Variants in SLC9B1 observed in about 807,000 individuals in gnomAD.
SLC9B1 encodes sodium/hydrogen exchanger 9B1.
SLC9B1 carries 32 observed loss-of-function variants against 51.7 expected under a neutral mutation model. The ratio of observed to expected loss-of-function variants is 0.62; its 90% CI spans 0.47 to 0.83. The LOEUF (loss-of-function observed/expected upper bound fraction) is 0.83, where lower values mean the gene tolerates loss of function less well. Ranked by LOEUF, SLC9B1 falls within the 40% of genes least tolerant of loss-of-function variation. The pLI is 0.00. For synonymous variants in SLC9B1, 145 were observed against 212.7 expected (o/e 0.68, Z 2.77); for missense variants, 406 against 613.2 (o/e 0.66, Z 3.57).
chr4:102,945,924 C>T (rs1737243011), intron 5 of SLC9B1, among the ~76,000 whole-genome samples: 1 of 151,840 alleles, frequency 6.6e-6, no homozygotes, highest in Admixed American at 6.6e-5. Context: ...TTTATGATCC[C>T]TAGAATGTAA....
intron 7 of SLC9B1, among the ~76,000 whole-genome samples, chr4:102,918,282 A>T (rs1266745631): frequency 6.6e-6 from 1 of 152,134 alleles, no homozygotes; most frequent in Non-Finnish European, 1.5e-5. Flanking sequence ...ATGATTATAT[A>T]CTGACAAGTT....
intron 7 of SLC9B1, among the ~76,000 whole-genome samples, chr4:102,924,988 A>G (rs1461358652): frequency 6.6e-6 from 1 of 152,146 alleles, no homozygotes; most frequent in African/African-American, 2.4e-5. Flanking sequence ...ATTGTAGAAG[A>G]CAGTGTGGCG....
intron 6 of SLC9B1, among the ~76,000 whole-genome samples, chr4:102,934,241 T>C (rs781027830): frequency 7.9e-5 from 12 of 152,212 alleles, no homozygotes; most frequent in Non-Finnish European, 1.3e-4. Flanking sequence ...GAAAACAAGA[T>C]ACTGTTTTTG....
chr4:102,988,649 G>A (rs1739786363), intron 3 of SLC9B1, among the ~76,000 whole-genome samples: 1 of 151,616 alleles, frequency 6.6e-6, no homozygotes, highest in African/African-American at 2.4e-5. Context: ...TGAGAGAGAG[G>A]GACAAACAGA....
At chr4:102,996,804 TGA>T (rs1740247853) in intron 1 of SLC9B1, among the ~76,000 whole-genome samples, 1 of 152,080 alleles carries the variant, frequency 6.6e-6, no homozygotes, top group African/African-American at 2.4e-5. Context: ...TTTTTTTTTC[TGA>T]GATAGGGTCT....
At chr4:102,913,973 A>G (rs1425231844) in intron 7 of SLC9B1, among the ~76,000 whole-genome samples, 1 of 152,022 alleles carries the variant, frequency 6.6e-6, no homozygotes. Flanking sequence ...ATTGCAATGG[A>G]GAAAGAGTAA....
At chr4:102,975,226 C>G (rs1415526808) in intron 3 of SLC9B1, among the ~76,000 whole-genome samples, 1 of 152,082 alleles carries the variant, frequency 6.6e-6, no homozygotes, top group Admixed American at 6.6e-5. Context: ...CCAGGCTAGC[C>G]TCAAACTCTT....
intron 7 of SLC9B1, among the ~76,000 whole-genome samples, chr4:102,931,211 G>GCAAGA (rs1736437418): frequency 7.4e-6 from 1 of 135,110 alleles, no homozygotes; most frequent in African/African-American, 2.9e-5. Context: ...GGGTGACAGA[G>GCAAGA]CAAGACTCCG....
chr4:102,951,538 G>A (rs927160510), intron 3 of SLC9B1, among the ~76,000 whole-genome samples: 4 of 151,454 alleles, frequency 2.6e-5, no homozygotes, highest in African/African-American at 9.7e-5. Flanking sequence ...TGAAAGCATT[G>A]TAAAATAATT....
intron 3 of SLC9B1, among the ~76,000 whole-genome samples, chr4:102,950,748 C>G (rs1737510034): frequency 6.6e-6 from 1 of 152,130 alleles, no homozygotes; most frequent in African/African-American, 2.4e-5. Context: ...AATCCCAGCA[C>G]TTTGGGAGGC....
downstream of SLC9B1, among the ~76,000 whole-genome samples, chr4:102,896,153 T>C (rs1384121826): frequency 1.3e-5 from 2 of 152,172 alleles, no homozygotes; most frequent in African/African-American, 4.8e-5. Context: ...CTCCATGCCA[T>C]GCTGCTGAGT....
At chr4:102,999,615 C>A (rs1196953590) in intron 1 of SLC9B1, among the ~76,000 whole-genome samples, 1 of 152,138 alleles carries the variant, frequency 6.6e-6, no homozygotes, top group African/African-American at 2.4e-5. Context: ...ATGATAACTT[C>A]TTTTGGAAAG....
intron 3 of SLC9B1, among the ~76,000 whole-genome samples, chr4:102,965,461 A>G (rs566458489): frequency 1.1e-4 from 17 of 152,310 alleles, no homozygotes; most frequent in African/African-American, 4.1e-4. Flanking sequence ...GAACCAATCC[A>G]GTTTCATGAG....
At chr4:102,992,677 A>G (rs1258750067) in intron 1 of SLC9B1, among the ~76,000 whole-genome samples, 1 of 152,208 alleles carries the variant, frequency 6.6e-6, no homozygotes, top group African/African-American at 2.4e-5. Context: ...TTTGATCAGA[A>G]ACTTAGATCT....
At chr4:102,985,683 C>T (rs1295280487) in intron 3 of SLC9B1, among the ~76,000 whole-genome samples, 1 of 151,858 alleles carries the variant, frequency 6.6e-6, no homozygotes, top group Non-Finnish European at 1.5e-5. Flanking sequence ...GCCACCATGC[C>T]CGGCTAATTT....
intron 1 of SLC9B1, among the ~76,000 whole-genome samples, chr4:103,011,405 C>A (rs572925532): frequency 3.9e-5 from 6 of 152,232 alleles, no homozygotes; most frequent in African/African-American, 1.2e-4. Context: ...GCATCACATG[C>A]CTGTCGCTCT....
chr4:102,928,981 C>A (rs1363774564), intron 7 of SLC9B1, among the ~76,000 whole-genome samples: 2 of 152,186 alleles, frequency 1.3e-5, no homozygotes, highest in African/African-American at 4.8e-5. Flanking sequence ...TAAACTTCTT[C>A]TGCCTGCTTT....
At position 102,977,025 on chromosome 4, in the gene SLC9B1, C is replaced by A. The variant is rs567346183; in HGVS notation, c.211+12775G>T. 8.5e-5 allele frequency among the ~76,000 whole-genome samples: 13 copies of A among 152,106 alleles called. No individual in the cohort carries two copies. The South Asian group carries it at 2.5e-3, about 29-fold the overall frequency. ...ATTATCCAGATATGGTGACATGTGC[C>A]TGCAGTCCCAGCTACTCAGTAGGCT... On this transcript the variant is annotated intron_variant, in intron 3 of 11. Coordinates refer to ENST00000296422, the MANE Select transcript of SLC9B1 (RefSeq NM_139173.4).
intron 7 of SLC9B1, among the ~76,000 whole-genome samples, chr4:102,924,195 G>C (rs887167066): frequency 3.9e-5 from 6 of 152,178 alleles, no homozygotes; most frequent in African/African-American, 1.4e-4. Flanking sequence ...CATGGTACTG[G>C]TGCCAAAGCA....
Sources: gnomAD v4.1 joint callset for allele counts (sites outside exome capture counted in the v4.1 genomes callset) on GRCh38, gnomAD v4.1.1 for gene constraint, MANE v1.5 for transcripts, NCBI Gene and HGNC (gene_info 2026-07-23, HGNC 2026-07-21) for gene names.